FAM135B: variants seen among roughly 807,000 people sequenced by gnomAD.
FAM135B encodes family with sequence similarity 135 member B.
Under a neutral mutation model 127.7 loss-of-function variants are expected in FAM135B, and 43 were observed. The ratio of observed to expected loss-of-function variants is 0.34; its 90% CI spans 0.26 to 0.43. The LOEUF (loss-of-function observed/expected upper bound fraction) is 0.43, where lower values mean the gene tolerates loss of function less well. Ranked by LOEUF, FAM135B falls within the 20% of genes least tolerant of loss-of-function variation. The probability of loss-of-function intolerance (pLI) is 1.00; values close to 1 mark genes in which losing one functional copy is unlikely to be tolerated. For synonymous variants in FAM135B, 670 were observed against 665.1 expected (o/e 1.01, Z -0.11); for missense variants, 1,558 against 1,725.6 (o/e 0.90, Z 1.72).
intron 1 of FAM135B, among the ~76,000 whole-genome samples, chr8:138,446,784 C>T (rs1178667661): frequency 2.0e-5 from 3 of 151,688 alleles, no homozygotes; most frequent in Non-Finnish European, 2.9e-5. Context: ...GCAATGGCAA[C>T]AAAAGCCAAA....
At position 138,369,906 on chromosome 8, in the gene FAM135B, C is replaced by T. The variant is rs183998388; in HGVS notation, c.-19-1904G>A. Among the ~76,000 whole-genome samples the T allele has an allele frequency of 5.3e-5, 8 of 152,298 alleles. No individual in the cohort carries two copies. The East Asian group carries it at 1.5e-3, about 29-fold the overall frequency. ...CTTGGGGTTGTCGGCTTTCCATTATCCCCAGTTCCCCTCCTGATCTCTGAT... is the reference window on the plus strand; with the variant it reads ...CTTGGGGTTGTCGGCTTTCCATTATTCCCAGTTCCCCTCCTGATCTCTGAT... On this transcript the variant is annotated intron_variant, in intron 1 of 19. Transcript: ENST00000395297.
At chr8:138,431,388 C>T (rs1835180961) in intron 1 of FAM135B, among the ~76,000 whole-genome samples, 1 of 152,168 alleles carries the variant, frequency 6.6e-6, no homozygotes, top group Non-Finnish European at 1.5e-5. Flanking sequence ...CATTAGTGGA[C>T]ATGGTTTCAC....
chr8:138,368,372 T>C (rs913157905), intron 1 of FAM135B, among the ~76,000 whole-genome samples: 17 of 152,176 alleles, frequency 1.1e-4, no homozygotes, highest in Non-Finnish European at 1.9e-4. Flanking sequence ...CTGTGTGACC[T>C]TGAGCAAGTC....
intron 1 of FAM135B, among the ~76,000 whole-genome samples, chr8:138,410,767 G>A (rs1288855545): frequency 6.6e-6 from 1 of 152,120 alleles, no homozygotes; most frequent in Non-Finnish European, 1.5e-5. Context: ...ATTCTACCCA[G>A]CAATCCCATT....
intron 12 of FAM135B, among the ~76,000 whole-genome samples, chr8:138,154,056 C>A (rs999117516): frequency 1.3e-5 from 2 of 152,148 alleles, no homozygotes; most frequent in African/African-American, 4.8e-5. Flanking sequence ...TGACTGACAC[C>A]TCACACAGCT....
chr8:138,299,060 A>AAAATAAATAAATACAT (rs1433089390), intron 3 of FAM135B, among the ~76,000 whole-genome samples: 12 of 136,160 alleles, frequency 8.8e-5, no homozygotes, highest in Admixed American at 4.7e-4. Flanking sequence ...ATTCAGTCTC[A>AAAATAAATAAATACAT]AAATAAATAA....
chr8:138,288,939 C>T (rs762039649), intron 3 of FAM135B, among the ~76,000 whole-genome samples: 1 of 152,164 alleles, frequency 6.6e-6, no homozygotes, highest in African/African-American at 2.4e-5. Context: ...CACAGATGTC[C>T]TTCTGATGAC....
intron 3 of FAM135B, among the ~76,000 whole-genome samples, chr8:138,304,541 A>T (rs1450218519): frequency 6.6e-6 from 1 of 152,194 alleles, no homozygotes; most frequent in Non-Finnish European, 1.5e-5. Context: ...GGCTGCATGC[A>T]TTCTTTCTAT....
intron 12 of FAM135B, among the ~76,000 whole-genome samples, chr8:138,161,696 C>A (rs1819411677): frequency 1.3e-5 from 2 of 152,154 alleles, no homozygotes; most frequent in African/African-American, 4.8e-5. Context: ...AATAACGGAT[C>A]TCTTCCTTAC....
At chr8:138,261,627 T>C (rs1822545160) in intron 4 of FAM135B, among the ~76,000 whole-genome samples, 2 of 152,192 alleles carry the variant, frequency 1.3e-5, no homozygotes, top group South Asian at 2.1e-4. Flanking sequence ...TTACGCAGAG[T>C]ATATAAATAA....
At chr8:138,227,534 T>C (rs1453614064) in intron 7 of FAM135B, among the ~76,000 whole-genome samples, 2 of 152,158 alleles carry the variant, frequency 1.3e-5, no homozygotes, top group Non-Finnish European at 1.5e-5. Context: ...AAATTTATTA[T>C]TGATAGCTTT....
intron 3 of FAM135B, among the ~76,000 whole-genome samples, chr8:138,309,187 G>T (rs796172245): frequency 3.9e-5 from 6 of 152,224 alleles, no homozygotes; most frequent in African/African-American, 1.4e-4. Flanking sequence ...GCAGGGCAGG[G>T]TCCAAATCCC....
At position 138,243,708 on chromosome 8, in the gene FAM135B, A is replaced by G. The variant is rs1295541827; in HGVS notation, c.543-640T>C. On this transcript the variant is annotated intron_variant, in intron 6 of 19. Coordinates refer to ENST00000395297, the MANE Select transcript of FAM135B (RefSeq NM_015912.4). This position sits in a 1 kb window ranked among gnomAD's most constrained non-coding sequence, Gnocchi z 7.5. ...ATGATCAATTTCAGGATCAAAGGAGATTAGGAAAAGATGTGTGATTATTCA... is the reference window on the plus strand; with the variant it reads ...ATGATCAATTTCAGGATCAAAGGAGGTTAGGAAAAGATGTGTGATTATTCA... Among the ~76,000 whole-genome samples, 1 of 152,204 alleles carries G rather than the reference A, an allele frequency of 6.6e-6. No homozygotes were observed. Among genetic ancestry groups the G allele is most frequent in the Non-Finnish European group, 1.5e-5 (1 of 68,036 alleles).
In FAM135B at chr8:138,141,198, C is replaced by T. The variant is rs2130591913; in HGVS notation, c.3790G>A (p.Gly1264Ser). Residue 1264 changes from glycine to serine, a missense_variant and splice_region_variant, in exon 17 of 20, where the codon GGC becomes AGC. By Grantham distance (56) the Gly-to-Ser change is moderately conservative. Coordinates refer to ENST00000395297, the MANE Select transcript of FAM135B (RefSeq NM_015912.4). The surrounding 1 kb of genome is among the most constrained non-coding windows in gnomAD (Gnocchi z 4.7). ...LYNNSTLVST[G>S]LWLMQKLKKS... The stretch of plus-strand genomic sequence containing the variant: ...ATGACGAGTCCTAGAAGAATCTTAC[C>T]TGTACTAACCAGGGTGCTGTTGTTG... 6.2e-7 allele frequency: 1 copy of T among 1,614,030 alleles called. No individual in the cohort carries two copies.
chr8:138,170,180 T>C (rs968176579), intron 11 of FAM135B, among the ~76,000 whole-genome samples: 30 of 151,968 alleles, frequency 2.0e-4, no homozygotes, highest in South Asian at 6.2e-4. Flanking sequence ...GCAGGATAGT[T>C]GTGTCATGCA....
chr8:138,159,128 C>T (rs562325518), intron 12 of FAM135B, among the ~76,000 whole-genome samples: 17 of 147,380 alleles, frequency 1.2e-4, no homozygotes, highest in East Asian at 4.1e-4. Flanking sequence ...AAAAATTAGC[C>T]GGGCGCGGTG....
At chr8:138,441,310 A>G (rs556155062) in intron 1 of FAM135B, 15 of 152,342 alleles carry the variant, frequency 9.8e-5, no homozygotes, top group African/African-American at 3.6e-4. Flanking sequence ...AGGGAAGATA[A>G]GGCTGAAAAT....
chr8:138,454,123 G>A (rs769703255), intron 1 of FAM135B, among the ~76,000 whole-genome samples: 6 of 151,666 alleles, frequency 4.0e-5, no homozygotes, highest in Non-Finnish European at 7.4e-5. Flanking sequence ...GAAGGTAATT[G>A]CACAAAAACT....
At position 138,130,422 on chromosome 8, in the gene FAM135B, G is replaced by A. The variant is rs1396832692; in HGVS notation, c.*2171C>T. The A allele has an allele frequency of 2.0e-5, 3 of 152,136 alleles. No individual in the cohort carries two copies. The highest frequency in any genetic ancestry group is 4.4e-5 in the Non-Finnish European group (3 of 68,028). 9.4% of individuals were successfully genotyped at this position (152,136 alleles called of 1,614,324 possible). A position where few individuals can be genotyped will look rare whatever the true frequency, so the allele number is the denominator to read the frequency against. On this transcript the variant is annotated 3_prime_UTR_variant, in exon 20 of 20. Transcript: ENST00000395297. ...CTATAAAAAAGAGGTGCACCATGCA[G>A]CTGGACGTTTATTGCCATTAGTTCT...
Sources: gnomAD v4.1 joint callset for allele counts (sites outside exome capture counted in the v4.1 genomes callset) on GRCh38, gnomAD v4.1.1 for gene constraint, Gnocchi (gnomAD v3.1) non-coding constraint, MANE v1.5 for transcripts, NCBI Gene and HGNC (gene_info 2026-07-23, HGNC 2026-07-21) for gene names.